EZH1: variants seen among roughly 807,000 people sequenced by gnomAD.
EZH1 encodes the protein enhancer of zeste 1 polycomb repressive complex 2 subunit, also known as histone-lysine N-methyltransferase EZH1.
EZH1 carries 33 observed loss-of-function variants against 100.5 expected under a neutral mutation model. The observed-to-expected ratio is 0.33, with a 90% CI of 0.25 to 0.44. EZH1 has a LOEUF of 0.44. Ranked by LOEUF, EZH1 falls within the 20% of genes least tolerant of loss-of-function variation. The probability of loss-of-function intolerance (pLI) is 1.00; values close to 1 mark genes in which losing one functional copy is unlikely to be tolerated. For missense variants in EZH1, 475 were observed against 928.4 expected, an observed-to-expected ratio of 0.51 and a Z score of 6.35; for synonymous variants, 272 against 313.8, an observed-to-expected ratio of 0.87 and a Z score of 1.41.
At chr17:42,739,617 C>T (rs1402205276) in intron 1 of EZH1, among the ~76,000 whole-genome samples, 1 of 151,836 alleles carries the variant, frequency 6.6e-6, no homozygotes, top group Non-Finnish European at 1.5e-5. Context: ...ATCCCAGCTA[C>T]TCGGGAGGCT....
chr17:42,743,755 G>A (rs569448446), intron 1 of EZH1, among the ~76,000 whole-genome samples: 8 of 151,826 alleles, frequency 5.3e-5, no homozygotes, highest in Non-Finnish European at 7.4e-5. Flanking sequence ...ATGAGCCACC[G>A]AGCCCAGTCT....
rs764913967 is a variant in EZH1 at position 42,708,064 on chromosome 17, C to T, written c.1554G>A (p.Val518=). The change falls in exon 15 of 21, where the codon GTG becomes GTA. Residue 518 remains valine, a synonymous_variant. Coordinates refer to ENST00000428826, the MANE Select transcript of EZH1 (RefSeq NM_001991.5). ...QLKKDNSSTQ[V]YNYQPCDHPD... is the part of the protein sequence containing the mutation. Reference sequence around the variant, plus strand: ...GGTGGTCGCAGGGTTGGTAGTTGTACACTTGTGTGGAAGAGTTATCTAGGA... The same window carrying T: ...GGTGGTCGCAGGGTTGGTAGTTGTATACTTGTGTGGAAGAGTTATCTAGGA... The T allele has an allele frequency of 7.5e-6, 12 of 1,609,282 alleles. No homozygotes were observed. In the South Asian group the frequency reaches 1.1e-4, roughly 15 times the overall value.
At chr17:42,742,604 G>C (rs918592101) in intron 1 of EZH1, among the ~76,000 whole-genome samples, 3 of 152,162 alleles carry the variant, frequency 2.0e-5, no homozygotes, top group African/African-American at 7.2e-5. Flanking sequence ...CTGACTCCCA[G>C]TGCCAGAAAT....
In EZH1 at chr17:42,724,402, G is replaced by A. The variant is rs1396708479; in HGVS notation, c.269C>T (p.Pro90Leu). The change falls in exon 5 of 21, where the codon CCG becomes CTG. Residue 90 changes from proline (P) to leucine (L), a missense_variant. By Grantham distance (98) the Pro-to-Leu change is moderately conservative. Coordinates refer to ENST00000428826, the MANE Select transcript of EZH1 (RefSeq NM_001991.5). ...TAACATATGTTGGCTTGCAAATCCCGGGAAAATGCTCTCTATGGTACACTG... is the reference window on the plus strand; with the variant it reads ...TAACATATGTTGGCTTGCAAATCCCAGGAAAATGCTCTCTATGGTACACTG... ...LKKCTIESIF[P>L]GFASQHMLMR... The A allele has an allele frequency of 3.7e-6, 6 of 1,613,846 alleles. No individual in the cohort carries two copies. The highest frequency in any genetic ancestry group is 1.3e-5 in the African/African-American group (1 of 75,006).
At chr17:42,713,037 C>CAAAAAAA (rs10664421) in intron 11 of EZH1, among the ~76,000 whole-genome samples, 172 bp downstream of exon 11, 5 of 83,974 alleles carry the variant, frequency 6.0e-5, no homozygotes, top group Non-Finnish European at 1.1e-4. Flanking sequence ...GAGACTGTTT[C>CAAAAAAA]AAAAAAAAAA....
chr17:42,724,973 C>T (rs2053788938), intron 4 of EZH1, among the ~76,000 whole-genome samples: 1 of 151,956 alleles, frequency 6.6e-6, no homozygotes, highest in Non-Finnish European at 1.5e-5. Flanking sequence ...TCAAGACTAT[C>T]CTGGCCAACA....
rs2053641630 is a variant in EZH1 at position 42,718,176 on chromosome 17, G to A, written c.932-109C>T. On this transcript the variant is annotated intron_variant, in intron 9 of 20. Coordinates refer to ENST00000428826, the MANE Select transcript of EZH1 (RefSeq NM_001991.5). The surrounding 1 kb of genome is among the most constrained non-coding windows in gnomAD (Gnocchi z 4.2). ...GTAGGAGTTAGAATTCGATATAAAC[G>A]GCTACCATCAGGGTGCACAAAATTC... The A allele has an allele frequency of 1.3e-5, 13 of 1,037,886 alleles. No individual in the cohort carries two copies. The East Asian group carries it at 1.5e-4, about 12-fold the overall frequency. 64.3% of individuals were successfully genotyped at this position (1,037,886 alleles called of 1,614,324 possible). A position where few individuals can be genotyped will look rare whatever the true frequency, so the allele number is the denominator to read the frequency against.
intron 1 of EZH1, among the ~76,000 whole-genome samples, chr17:42,743,661 C>A (rs1446447212): frequency 6.6e-6 from 1 of 150,516 alleles, no homozygotes; most frequent in Non-Finnish European, 1.5e-5. Context: ...GATGAGGTCT[C>A]GCTATTGTTG....
chr17:42,726,744 C>T (rs1394002652), intron 4 of EZH1, among the ~76,000 whole-genome samples: 1 of 152,054 alleles, frequency 6.6e-6, no homozygotes, highest in Non-Finnish European at 1.5e-5. Flanking sequence ...AAACTCTTGA[C>T]CTCAGGTGAT....
intron 5 of EZH1, among the ~76,000 whole-genome samples, chr17:42,723,888 G>A (rs754124161): frequency 1.6e-4 from 25 of 152,340 alleles, no homozygotes; most frequent in African/African-American, 5.3e-4. Flanking sequence ...CTGTGTGCAC[G>A]TCTGTTGTCT....
chr17:42,742,614 T>C (rs753962150), intron 1 of EZH1, among the ~76,000 whole-genome samples: 3 of 152,164 alleles, frequency 2.0e-5, no homozygotes, highest in Non-Finnish European at 4.4e-5. Flanking sequence ...GTGCCAGAAA[T>C]TTCCCCACTA....
rs2053309762 is a variant in EZH1 at position 42,704,509 on chromosome 17, T to C, written c.2017+93A>G. On this transcript the variant is annotated intron_variant, in intron 18 of 20. Coordinates refer to ENST00000428826, the MANE Select transcript of EZH1 (RefSeq NM_001991.5). ...GCTACAGTGAGCCAAGATCGCACCA[T>C]TGCACCCTAGCCTGGGCAACAGAGC... is the stretch of plus-strand genomic sequence containing the variant. 6 of 991,594 alleles carry C rather than the reference T, an allele frequency of 6.1e-6. No homozygotes were observed. The South Asian group carries it at 6.3e-5, about 10-fold the overall frequency. The allele number at this position is 991,594 out of a possible 1,614,324, so 61.4% of individuals were successfully genotyped here. A position where few individuals can be genotyped will look rare whatever the true frequency, so the allele number is the denominator to read the frequency against.
At chr17:42,744,604 C>T (rs983142536) in intron 1 of EZH1, among the ~76,000 whole-genome samples, 15 of 152,210 alleles carry the variant, frequency 9.9e-5, no homozygotes, top group African/African-American at 3.1e-4. Context: ...GTCTCTAGCC[C>T]TCCCCAAGCA....
chr17:42,742,562 C>A (rs2054196156), intron 1 of EZH1, among the ~76,000 whole-genome samples: 1 of 152,160 alleles, frequency 6.6e-6, no homozygotes, highest in Non-Finnish European at 1.5e-5. Context: ...AAGTACTCTG[C>A]CAGTTACTGA....
intron 10 of EZH1, 66 bp downstream of exon 10, chr17:42,717,910 T>A: frequency 4.3e-6 from 6 of 1,408,262 alleles, no homozygotes; most frequent in Non-Finnish European, 6.0e-6. Context: ...GAGTGCTGTG[T>A]ACTGGCTCAC....
At chr17:42,737,753 A>G (rs905596487) in intron 1 of EZH1, among the ~76,000 whole-genome samples, 7 of 152,240 alleles carry the variant, frequency 4.6e-5, no homozygotes, top group Admixed American at 4.6e-4. Context: ...ACAGGAAAAG[A>G]AAGCTATAAA....
Position 42,706,294 on chromosome 17 carries a change from T to A in EZH1, c.1661-109A>T. 1 of 1,025,998 alleles carries A rather than the reference T, an allele frequency of 9.7e-7. No individual in the cohort carries two copies. The allele number at this position is 1,025,998 out of a possible 1,614,324, so 63.6% of individuals were successfully genotyped here. On this transcript the variant is annotated intron_variant, in intron 15 of 20. Transcript: ENST00000428826. This position sits in a 1 kb window ranked among gnomAD's most constrained non-coding sequence, Gnocchi z 4.4. ...TAAATTTTTTGTGTTCAAGGATGTT[T>A]GGCAAAATAAGAGGAAGCTCCCTTC...
intron 15 of EZH1, among the ~76,000 whole-genome samples, chr17:42,707,155 A>G (rs1290345395): frequency 6.6e-6 from 1 of 152,138 alleles, no homozygotes; most frequent in South Asian, 2.1e-4. Context: ...ATGAAAATAG[A>G]CATACACAGA....
intron 1 of EZH1, among the ~76,000 whole-genome samples, chr17:42,736,106 A>T (rs1453156960): frequency 6.6e-6 from 1 of 152,250 alleles, no homozygotes; most frequent in Admixed American, 6.5e-5. Context: ...GAAAAATACA[A>T]TGAGATACTA....
Sources: allele counts gnomAD v4.1 joint callset (sites outside exome capture counted in the v4.1 genomes callset), GRCh38; gene constraint gnomAD v4.1.1; non-coding constraint Gnocchi (gnomAD v3.1); transcripts MANE v1.5; gene names NCBI Gene and HGNC (gene_info 2026-07-23, HGNC 2026-07-21).